ADIPOR2: variants seen among roughly 807,000 people sequenced by gnomAD.
ADIPOR2 encodes the protein adiponectin receptor 2, also known as adiponectin receptor protein 2.
Under a neutral mutation model 40.9 loss-of-function variants are expected in ADIPOR2, and 18 were observed. The observed-to-expected ratio is 0.44, with a 90% CI of 0.30 to 0.65. The LOEUF (loss-of-function observed/expected upper bound fraction) is 0.65. Ranked by LOEUF, ADIPOR2 falls within the 30% of genes least tolerant of loss-of-function variation. The pLI is 0.09. For missense variants in ADIPOR2, 283 were observed against 479.2 expected (o/e 0.59, Z 3.82); for synonymous variants, 165 against 166.4 (o/e 0.99, Z 0.06).
At chr12:1,723,514 G>T (rs959327357) in intron 1 of ADIPOR2, among the ~76,000 whole-genome samples, 3 of 150,460 alleles carry the variant, frequency 2.0e-5, no homozygotes, top group Non-Finnish European at 4.4e-5. Flanking sequence ...GTGGGTGCCT[G>T]TGCCTGTACT....
At chr12:1,731,963 G>GAAAACA (rs1001449928) in intron 1 of ADIPOR2, among the ~76,000 whole-genome samples, 4 of 148,364 alleles carry the variant, frequency 2.7e-5, no homozygotes, top group East Asian at 2.0e-4. Flanking sequence ...GACTTGGTCT[G>GAAAACA]AAAACAAAAA....
chr12:1,773,509 T>C (rs565682310), intron 3 of ADIPOR2, among the ~76,000 whole-genome samples: 12 of 136,194 alleles, frequency 8.8e-5, no homozygotes, highest in Middle Eastern at 3.8e-3. Context: ...GGACCTATTA[T>C]GGGATTCTTT....
At chr12:1,782,612 A>G (rs1249660284) in intron 6 of ADIPOR2, among the ~76,000 whole-genome samples, 2 of 152,210 alleles carry the variant, frequency 1.3e-5, no homozygotes, top group African/African-American at 2.4e-5. Flanking sequence ...ACAAAATAGT[A>G]TTTAATCCTC....
chr12:1,757,725 C>T, intron 2 of ADIPOR2: 2 of 1,302,092 alleles, frequency 1.5e-6, no homozygotes, highest in Middle Eastern at 2.1e-4. Context: ...GACGGAAATT[C>T]TCCCCCGTCT....
chr12:1,778,082 C>T, intron 4 of ADIPOR2, 57 bp downstream of exon 4: 12 of 1,545,234 alleles, frequency 7.8e-6, no homozygotes, highest in Non-Finnish European at 1.0e-5. Context: ...TTTTTATTTT[C>T]ATGTATTTGA....
intron 1 of ADIPOR2, among the ~76,000 whole-genome samples, chr12:1,716,595 A>G (rs897721208): frequency 2.0e-5 from 3 of 152,208 alleles, no homozygotes; most frequent in Non-Finnish European, 2.9e-5. Context: ...AGTTTAGGAA[A>G]TTTCCTGCTT....
At chr12:1,768,936 T>A (rs1222200529) in intron 2 of ADIPOR2, among the ~76,000 whole-genome samples, 2 of 152,252 alleles carry the variant, frequency 1.3e-5, no homozygotes, top group African/African-American at 4.8e-5. Flanking sequence ...GTTTTATGCC[T>A]TTATTCTTGG....
At chr12:1,768,008 GAACAAATAATA>G (rs2154444009) in intron 2 of ADIPOR2, among the ~76,000 whole-genome samples, 1 of 152,262 alleles carries the variant, frequency 6.6e-6, no homozygotes, top group Non-Finnish European at 1.5e-5. Flanking sequence ...GAATTTCCGA[GAACAAATAATA>G]AAGTTCTGTT....
intron 3 of ADIPOR2, among the ~76,000 whole-genome samples, chr12:1,776,831 T>C (rs956540168): frequency 3.9e-5 from 6 of 152,246 alleles, no homozygotes; most frequent in African/African-American, 1.4e-4. Flanking sequence ...AGTCATGTAC[T>C]GGCTTTGAGT....
intron 4 of ADIPOR2, among the ~76,000 whole-genome samples, chr12:1,779,721 G>C (rs1765736199): frequency 1.3e-5 from 2 of 152,128 alleles, no homozygotes; most frequent in South Asian, 4.1e-4. Context: ...GGAGAGTAGA[G>C]GGTCAAATCA....
rs182224118 is a variant in ADIPOR2, at chr12:1,727,265, C to T, written c.-86-26993C>T. ...TTCTGTTCTTTCACAGTTTTTTATT[C>T]GATTGTCTGTAGAATAGACTTTATT... On this transcript the variant is annotated intron_variant, in intron 1 of 7. Coordinates refer to ENST00000357103, the MANE Select transcript of ADIPOR2 (RefSeq NM_024551.3). Among the ~76,000 whole-genome samples the T allele has an allele frequency of 5.6e-3, 857 of 152,154 alleles. 23 individuals are homozygous for T. The highest frequency in any genetic ancestry group is 1.7e-3 in the Non-Finnish European group (116 of 68,008).
chr12:1,714,521 A>G (rs1475777315), intron 1 of ADIPOR2, among the ~76,000 whole-genome samples: 1 of 152,100 alleles, frequency 6.6e-6, no homozygotes, highest in Non-Finnish European at 1.5e-5. Flanking sequence ...GGAAGGCGGT[A>G]GGATTTTCTT....
At chr12:1,774,388 T>C (rs2154444230) in intron 3 of ADIPOR2, among the ~76,000 whole-genome samples, 1 of 152,336 alleles carries the variant, frequency 6.6e-6, no homozygotes, top group East Asian at 1.9e-4. Flanking sequence ...AAATATCCCT[T>C]AGCAGTTTGT....
intron 1 of ADIPOR2, among the ~76,000 whole-genome samples, chr12:1,707,099 A>G (rs1454680147): frequency 6.6e-6 from 1 of 152,224 alleles, no homozygotes; most frequent in Non-Finnish European, 1.5e-5. Context: ...TTTGTGTTCC[A>G]GTAGTTTGTT....
intron 1 of ADIPOR2, among the ~76,000 whole-genome samples, chr12:1,691,725 C>G (rs1189487114): frequency 3.3e-5 from 5 of 152,138 alleles, no homozygotes; most frequent in Admixed American, 2.0e-4. Flanking sequence ...TACCTGGAGT[C>G]CTGTTTTCCC....
chr12:1,725,903 C>T (rs1264843012), intron 1 of ADIPOR2, among the ~76,000 whole-genome samples: 9 of 152,028 alleles, frequency 5.9e-5, no homozygotes, highest in Non-Finnish European at 1.5e-5. Context: ...TTTATTCATT[C>T]ACTCAAGAAA....
chr12:1,743,279 T>A, intron 1 of ADIPOR2, among the ~76,000 whole-genome samples: 1 of 115,096 alleles, frequency 8.7e-6, no homozygotes, highest in Non-Finnish European at 1.8e-5. Flanking sequence ...GCCACTGCAC[T>A]CCAGCCTGGG....
chr12:1,749,865 C>G (rs2094765197), intron 1 of ADIPOR2, among the ~76,000 whole-genome samples: 2 of 131,352 alleles, frequency 1.5e-5, no homozygotes, highest in South Asian at 4.7e-4. Context: ...GAAATGGGGT[C>G]TCATGCTGTT....
At chr12:1,762,835 A>T (rs1862299259) in intron 2 of ADIPOR2, among the ~76,000 whole-genome samples, 1 of 152,214 alleles carries the variant, frequency 6.6e-6, no homozygotes, top group Non-Finnish European at 1.5e-5. Flanking sequence ...CATGGGGATG[A>T]TATACTTTTT....
Sources: allele counts gnomAD v4.1 joint callset (sites outside exome capture counted in the v4.1 genomes callset), GRCh38; gene constraint gnomAD v4.1.1; transcripts MANE v1.5; gene names NCBI Gene and HGNC (gene_info 2026-07-23, HGNC 2026-07-21).